PRMT9: variants seen among roughly 807,000 people sequenced by gnomAD.
PRMT9 encodes the protein protein arginine N-methyltransferase 9.
In PRMT9, 59 loss-of-function variants were observed where a neutral mutation model predicts 83.2. That is an observed-to-expected ratio of 0.71 (90% CI 0.57 to 0.88). The LOEUF (loss-of-function observed/expected upper bound fraction) is 0.88, where lower values mean the gene tolerates loss of function less well. PRMT9 is among the 40% of genes least tolerant of loss of function. PRMT9 has a pLI of 0.00. For synonymous variants in PRMT9, 333 were observed against 353.2 expected, an observed-to-expected ratio of 0.94 and a Z score of 0.64; for missense variants, 947 against 1,021.9, an observed-to-expected ratio of 0.93 and a Z score of 1.00.
intron 2 of PRMT9, among the ~76,000 whole-genome samples, chr4:147,675,198 G>T (rs574231711): frequency 5.3e-5 from 8 of 152,040 alleles, no homozygotes; most frequent in African/African-American, 1.9e-4. Context: ...CAGGCTGGTC[G>T]CAAACTCCCG....
At chr4:147,646,065 A>C (rs1054923966) in intron 9 of PRMT9, among the ~76,000 whole-genome samples, 3 of 152,180 alleles carry the variant, frequency 2.0e-5, no homozygotes, top group Admixed American at 6.5e-5. Flanking sequence ...CAGTTAGTGA[A>C]ATTTCACACA....
At chr4:147,665,256 A>G (rs1735249265) in intron 6 of PRMT9, among the ~76,000 whole-genome samples, 1 of 151,804 alleles carries the variant, frequency 6.6e-6, no homozygotes. Flanking sequence ...CCCTCCATTG[A>G]TTTAGGATCT....
Position 147,670,634 on chromosome 4 carries a change from T to C in PRMT9, c.846+7A>G. On this transcript the variant is annotated splice_region_variant and intron_variant, in intron 5 of 11. Transcript: ENST00000322396. The stretch of plus-strand genomic sequence containing the variant: ...TAATCAGTTGTAAGTATTTTCATAC[T>C]GCTTACCTTTGGCTGTAAAAGTAAA... 1 of 1,561,992 alleles carries C rather than the reference T, an allele frequency of 6.4e-7. No individual in the cohort carries two copies. Among genetic ancestry groups the C allele is most frequent in the Non-Finnish European group, 8.8e-7 (1 of 1,132,802 alleles).
intron 1 of PRMT9, 62 bp downstream of exon 1, chr4:147,683,737 T>G: frequency 1.1e-6 from 1 of 873,532 alleles, no homozygotes. Flanking sequence ...TTTTTTCTGT[T>G]TTTTTTTTTT....
chr4:147,639,610 AC>A (rs1733245284), intron 10 of PRMT9, among the ~76,000 whole-genome samples: 1 of 152,164 alleles, frequency 6.6e-6, no homozygotes, highest in African/African-American at 2.4e-5. Flanking sequence ...TTCAGGCCAC[AC>A]CCCAAACCAT....
At chr4:147,680,294 T>C in intron 2 of PRMT9, 29 bp downstream of exon 2, 2 of 1,606,194 alleles carry the variant, frequency 1.2e-6, no homozygotes, top group Non-Finnish European at 1.7e-6. Flanking sequence ...GAATAATTCT[T>C]AACAAGTAAT....
intron 8 of PRMT9, among the ~76,000 whole-genome samples, chr4:147,656,495 G>A (rs183468478): frequency 1.8e-4 from 28 of 151,948 alleles, no homozygotes; most frequent in African/African-American, 5.3e-4. Flanking sequence ...TCTTGCAGCC[G>A]GGCACGGTGG....
chr4:147,655,035 G>A (rs999383617), intron 8 of PRMT9, among the ~76,000 whole-genome samples: 10 of 152,146 alleles, frequency 6.6e-5, no homozygotes, highest in Admixed American at 4.6e-4. Context: ...CAACAGAATC[G>A]TATCAGTTAT....
In PRMT9 at chr4:147,638,696, T is replaced by C. The variant is rs764720937; in HGVS notation, c.2374A>G (p.Met792Val). The C allele has an allele frequency of 1.2e-6, 2 of 1,613,744 alleles. No homozygotes were observed. The highest frequency in any genetic ancestry group is 1.1e-5 in the South Asian group (1 of 91,074). Reference sequence around the variant, plus strand: ...AACCTAATCTCTTCATCAAGGTACATATGATACCAAAATGGAATAGCAGTC... The same window carrying C: ...AACCTAATCTCTTCATCAAGGTACACATGATACCAAAATGGAATAGCAGTC... ...RLTAIPFWYH[M>V]YLDEEIRLDT... Residue 792 changes from methionine (M) to valine (V), a missense_variant, in exon 12 of 12, where the codon ATG becomes GTG. Transcript: ENST00000322396.
chr4:147,660,696 G>A, intron 7 of PRMT9, 150 bp downstream of exon 7: 2 of 616,620 alleles, frequency 3.2e-6, no homozygotes, highest in Non-Finnish European at 5.8e-6. Context: ...ATTTCAGGAA[G>A]AAATTCTAAT....
intron 9 of PRMT9, among the ~76,000 whole-genome samples, chr4:147,646,777 G>C (rs1733757919): frequency 1.3e-5 from 2 of 152,192 alleles, no homozygotes; most frequent in Middle Eastern, 3.4e-3. Flanking sequence ...AGCATCAGGT[G>C]CTATAAAAGC....
chr4:147,648,543 A>G (rs948237130), intron 9 of PRMT9, among the ~76,000 whole-genome samples: 1 of 152,328 alleles, frequency 6.6e-6, no homozygotes, highest in African/African-American at 2.4e-5. Flanking sequence ...ATGGGCAAAC[A>G]TAAGTAAAGT....
chr4:147,669,818 C>T (rs1052283413), intron 5 of PRMT9, among the ~76,000 whole-genome samples: 1 of 152,036 alleles, frequency 6.6e-6, no homozygotes, highest in Non-Finnish European at 1.5e-5. Flanking sequence ...ATCATATAAA[C>T]CAAATCAATG....
In PRMT9 at chr4:147,654,212, T is replaced by C; in HGVS notation, c.1685A>G (p.Gln562Arg). 1 of 1,614,218 alleles carries C rather than the reference T, an allele frequency of 6.2e-7. No individual in the cohort carries two copies. The highest frequency in any genetic ancestry group is 1.3e-5 in the African/African-American group (1 of 75,074). The change falls in exon 9 of 12, where the codon CAG becomes CGG. Residue 562 changes from glutamine to arginine, a missense_variant. Gln to Arg is a conservative substitution (Grantham distance 43). Coordinates refer to ENST00000322396, the MANE Select transcript of PRMT9 (RefSeq NM_138364.4). ...TCCAGTTCCAGAGCTCATCTCATTC[T>C]GACAGTGAGTATCCATGGTCTGATA... is the stretch of plus-strand genomic sequence containing the variant. ...KLYQTMDTHC[Q>R]NEMSSGTGQS... is the part of the protein sequence containing the mutation.
intron 7 of PRMT9, among the ~76,000 whole-genome samples, chr4:147,659,084 C>T (rs1734743687): frequency 6.6e-6 from 1 of 151,628 alleles, no homozygotes; most frequent in Non-Finnish European, 1.5e-5. Flanking sequence ...GAGGCTGAGG[C>T]AGGAGAATGG....
At position 147,638,976 on chromosome 4, in the gene PRMT9, G is replaced by A. The variant is rs1289560311; in HGVS notation, c.2306C>T (p.Ser769Phe). ...LDLMTPYLNT[S>F]NREVKVYVCK... ...TGTCCTTACCTTTACTTCTCTGTTAGAGGTGTTCAAATACGGAGTCATTAA... is the reference window on the plus strand; with the variant it reads ...TGTCCTTACCTTTACTTCTCTGTTAAAGGTGTTCAAATACGGAGTCATTAA... The change falls in exon 11 of 12, where the codon TCT becomes TTT. Residue 769 changes from serine (S) to phenylalanine (F), a missense_variant. Transcript: ENST00000322396. 3.1e-6 allele frequency: 5 copies of A among 1,611,986 alleles called. No individual in the cohort carries two copies. In the Admixed American group the frequency reaches 8.3e-5, roughly 27 times the overall value.
chr4:147,682,510 C>T (rs578184874), intron 1 of PRMT9, among the ~76,000 whole-genome samples: 1 of 151,838 alleles, frequency 6.6e-6, no homozygotes, highest in Non-Finnish European at 1.5e-5. Context: ...CAGGTTTTCA[C>T]CATATTGGCC....
At chr4:147,672,874 T>C (rs1484108911) in intron 4 of PRMT9, 85 bp downstream of exon 4, 3 of 1,104,750 alleles carry the variant, frequency 2.7e-6, no homozygotes, top group South Asian at 2.6e-5. Context: ...TTGTAGCATT[T>C]TGTTTGGACT....
At chr4:147,660,410 C>T (rs747061400) in intron 7 of PRMT9, among the ~76,000 whole-genome samples, 2 of 152,126 alleles carry the variant, frequency 1.3e-5, no homozygotes, top group Non-Finnish European at 2.9e-5. Flanking sequence ...GTCAGCAGAT[C>T]GCTTGAGCTC....
Sources: allele counts gnomAD v4.1 joint callset (sites outside exome capture counted in the v4.1 genomes callset), GRCh38; gene constraint gnomAD v4.1.1; transcripts MANE v1.5; gene names NCBI Gene and HGNC (gene_info 2026-07-23, HGNC 2026-07-21).